HSF4: variants seen among roughly 807,000 people sequenced by gnomAD.
HSF4 encodes the protein heat shock factor protein 4.
HSF4 carries 41 observed loss-of-function variants against 52.0 expected under a neutral mutation model. That is an observed-to-expected ratio of 0.79 (90% CI 0.61 to 1.02). The LOEUF is 1.02. Ranked by LOEUF, HSF4 falls within the 50% of genes least tolerant of loss-of-function variation. The pLI, the probability that HSF4 is intolerant of heterozygous loss-of-function variation, is 0.00. For missense variants in HSF4, 610 were observed against 651.1 expected (o/e 0.94, Z 0.69); for synonymous variants, 285 against 273.0 (o/e 1.04, Z -0.43).
Position 67,164,873 on chromosome 16 carries a change from T to A in HSF4, c.62T>A (p.Leu21His). The A allele has an allele frequency of 6.2e-7, 1 of 1,607,700 alleles. No individual in the cohort carries two copies. The highest frequency in any genetic ancestry group is 8.5e-7 in the Non-Finnish European group (1 of 1,179,076). ...EPGPSPVPAF[L>H]GKLWALVGDP... ...GGCCCCAGCCCCGTGCCTGCCTTCC[T>A]CGGCAAGCTATGGGCGCTGGTGGGG... The change falls in exon 1 of 13, where the codon CTC (leucine) becomes CAC (histidine). Residue 21 changes from leucine to histidine, a missense_variant. Leu to His is a moderately conservative substitution (Grantham distance 99). Transcript: ENST00000521374.
chr16:67,165,551 G>A lies in HSF4; in HGVS notation c.153G>A (p.Gln51=), dbSNP rs762121724. ...GGACCAGTTTCCTCGTAAGCGACCA[G>A]AGCCGTTTCGCCAAGGAAGTGCTGC... ...PSGTSFLVSD[Q]SRFAKEVLPQ... Residue 51 remains glutamine, a synonymous_variant, in exon 2 of 13, where the codon CAG becomes CAA. Transcript: ENST00000521374. This position sits in a 1 kb window ranked among gnomAD's most constrained non-coding sequence, Gnocchi z 6.9. 3 of 1,613,124 alleles carry A rather than the reference G, an allele frequency of 1.9e-6. No homozygotes were observed. The highest frequency in any genetic ancestry group is 1.6e-4 in the Middle Eastern group (1 of 6,084).
chr16:67,166,339 C>G lies in HSF4; in HGVS notation c.505C>G (p.Arg169Gly), dbSNP rs1039577199. Residue 169 changes from arginine to glycine, a missense_variant, in exon 5 of 13, where the codon CGG (arginine) becomes GGG (glycine). Transcript: ENST00000521374. ...ELRQQNEILWREVVTLRQSHG... is the reference protein window; with the variant it reads ...ELRQQNEILWGEVVTLRQSHG... ...CCTCAGGCAGAACGAGATCTTGTGG[C>G]GGGAGGTGGTGACACTTCGGCAGAG... is the stretch of plus-strand genomic sequence containing the variant. 2.5e-6 allele frequency: 4 copies of G among 1,608,640 alleles called. No homozygotes were observed. Among genetic ancestry groups the G allele is most frequent in the Non-Finnish European group, 3.4e-6 (4 of 1,177,490 alleles).
Position 67,169,077 on chromosome 16 carries a change from G to T in HSF4, c.1230G>T (p.Met410Ile), listed in dbSNP as rs1309829039. Residue 410 changes from methionine to isoleucine, a missense_variant, in exon 11 of 13, where the codon ATG (methionine) becomes ATT (isoleucine). Physicochemically the swap from Met to Ile is conservative, Grantham distance 10. Transcript: ENST00000521374. This position sits in a 1 kb window ranked among gnomAD's most constrained non-coding sequence, Gnocchi z 4.3. ...TCCAAGGGCGAGAATGGACCCTGATGGACTTGGACATGGAGCTGTCCTTGG... is the reference window on the plus strand; with the variant it reads ...TCCAAGGGCGAGAATGGACCCTGATTGACTTGGACATGGAGCTGTCCTTGG... ...PSLQGREWTLMDLDMELSLMQ... is the reference protein window; with the variant it reads ...PSLQGREWTLIDLDMELSLMQ... The T allele has an allele frequency of 1.2e-5, 19 of 1,613,440 alleles. No individual in the cohort carries two copies. The highest frequency in any genetic ancestry group is 1.4e-5 in the Non-Finnish European group (17 of 1,180,010).
chr16:67,164,586 C>CCTCCA (rs748286546), upstream of HSF4: 175 of 522,224 alleles, frequency 3.4e-4, no homozygotes, highest in South Asian at 1.7e-3. Context: ...CCACCCCACC[C>CCTCCA]CTCCACTCCA....
upstream of HSF4, chr16:67,163,941 T>TA: frequency 7.0e-7 from 1 of 1,435,384 alleles, no homozygotes; most frequent in Non-Finnish European, 9.4e-7. Flanking sequence ...CCCGGGTCTT[T>TA]ACCGAGTTGG....
At chr16:67,168,302 CG>C (rs968159815) in intron 9 of HSF4, among the ~76,000 whole-genome samples, 86 of 152,140 alleles carry the variant, frequency 5.7e-4, no homozygotes, top group African/African-American at 2.0e-3. Context: ...TGAAACCCCC[CG>C]CCTCTGCTAA....
Position 67,164,945 on chromosome 16 carries a change from G to A in HSF4, c.123+11G>A, listed in dbSNP as rs1216870535. ...ATCCGCTGGAGCCCGGTGAGGGCCG[G>A]GGCCCCTCGATTCCCCCTGTGGTCC... On this transcript the variant is annotated intron_variant, in intron 1 of 12. Coordinates refer to ENST00000521374, the MANE Select transcript of HSF4 (RefSeq NM_001374675.1). The A allele has an allele frequency of 1.9e-6, 3 of 1,596,548 alleles. No individual in the cohort carries two copies. Among genetic ancestry groups the A allele is most frequent in the Admixed American group, 3.4e-5 (2 of 58,592 alleles).
Position 67,165,244 on chromosome 16 carries a change from CA to C in HSF4, c.124-277del. The stretch of plus-strand genomic sequence containing the variant: ...GGGAAGGGCTGGTCTAGCTCAGGGT[CA>C]CATTGCGGGGCTGGGAACCCCGTCA... On this transcript the variant is annotated intron_variant, in intron 1 of 12. Transcript: ENST00000521374. This position sits in a 1 kb window ranked among gnomAD's most constrained non-coding sequence, Gnocchi z 6.9. 1 of 594,596 alleles carries C rather than the reference CA, an allele frequency of 1.7e-6. No homozygotes were observed. Among genetic ancestry groups the C allele is most frequent in the Non-Finnish European group, 3.0e-6 (1 of 334,162 alleles). 36.8% of individuals were successfully genotyped at this position (594,596 alleles called of 1,614,324 possible).
In HSF4 at chr16:67,166,058, G is replaced by C. The variant is rs1042743988; in HGVS notation, c.473G>C (p.Arg158Pro). Residue 158 changes from arginine (R) to proline (P), a missense_variant, in exon 4 of 13, where the codon CGG (arginine) becomes CCG (proline). Arg to Pro is a moderately radical substitution (Grantham distance 103). Transcript: ENST00000521374. ...CAGGAGAGCACCGAGGCGCGGCTGC[G>C]GGAGCTCAGGCAGTGCGGGGGCGGG... ...GVQESTEARL[R>P]ELRQQNEILW... The C allele has an allele frequency of 3.3e-6, 5 of 1,532,994 alleles. No individual in the cohort carries two copies. The highest frequency in any genetic ancestry group is 4.4e-6 in the Non-Finnish European group (5 of 1,146,458). The allele number at this position is 1,532,994 out of a possible 1,614,324, so 95.0% of individuals were successfully genotyped here. A position where few individuals can be genotyped will look rare whatever the true frequency, so the allele number is the denominator to read the frequency against.
intron 9 of HSF4, among the ~76,000 whole-genome samples, chr16:67,168,304 C>G (rs921455152): frequency 4.0e-5 from 6 of 151,834 alleles, no homozygotes; most frequent in African/African-American, 1.5e-4. Flanking sequence ...AAACCCCCCG[C>G]CTCTGCTAAA....
At chr16:67,168,372 G>A (rs897481111) in intron 9 of HSF4, among the ~76,000 whole-genome samples, 3 of 152,134 alleles carry the variant, frequency 2.0e-5, no homozygotes, top group African/African-American at 7.2e-5. Flanking sequence ...TACTCAGGAG[G>A]CTGAGGCAGG....
At chr16:67,166,795 G>C (rs2031337470) in intron 6 of HSF4, among the ~76,000 whole-genome samples, 173 bp downstream of exon 6, 1 of 151,362 alleles carries the variant, frequency 6.6e-6, no homozygotes. Context: ...TCTGCCACCT[G>C]GTATCCCCAC....
chr16:67,167,011 G>T, intron 6 of HSF4, 109 bp from the exon 7 acceptor site: 1 of 1,491,336 alleles, frequency 6.7e-7, no homozygotes. Context: ...ACAGGCCTCA[G>T]CTCTGCTGAC....
In HSF4 at chr16:67,169,214, T is replaced by C; in HGVS notation, c.1255-65T>C. 6.2e-7 allele frequency: 1 copy of C among 1,608,134 alleles called. No homozygotes were observed. On this transcript the variant is annotated intron_variant, in intron 11 of 12. Transcript: ENST00000521374. The surrounding 1 kb of genome is among the most constrained non-coding windows in gnomAD (Gnocchi z 4.3). ...GTCTCTAGAAGAATTGTCACAGTGA[T>C]TTCCCAGCTGTCCCCCTCAGCTGCT...
upstream of HSF4, chr16:67,164,000 C>T: frequency 1.2e-6 from 1 of 863,556 alleles, no homozygotes; most frequent in East Asian, 2.6e-5. Flanking sequence ...AGACCACTCG[C>T]TGCTCTCACC....
At position 67,167,552 on chromosome 16, in the gene HSF4, T is replaced by C. The variant is rs1713769716; in HGVS notation, c.807T>C (p.Ser269=). 6.2e-7 allele frequency: 1 copy of C among 1,613,618 alleles called. No individual in the cohort carries two copies. Among genetic ancestry groups the C allele is most frequent in the African/African-American group, 1.3e-5 (1 of 74,934 alleles). ...TCATCTCTGACATCCCAGAAGACTC[T>C]CCATCCCCTGAGGGGACCAGGCTTT... ...GPIISDIPED[S]PSPEGTRLSP... is the part of the protein sequence containing the mutation. Residue 269 remains serine (S), a synonymous_variant, in exon 8 of 13, where the codon TCT becomes TCC. Transcript: ENST00000521374.
chr16:67,166,769 T>A, intron 6 of HSF4, 147 bp downstream of exon 6: 1 of 788,736 alleles, frequency 1.3e-6, no homozygotes, highest in Non-Finnish European at 2.1e-6. Flanking sequence ...CCATCTAGGA[T>A]CCACTTCCCC....
At position 67,165,868 on chromosome 16, in the gene HSF4, G is replaced by C; in HGVS notation, c.360+22G>C. On this transcript the variant is annotated intron_variant, in intron 3 of 12. Coordinates refer to ENST00000521374, the MANE Select transcript of HSF4 (RefSeq NM_001374675.1). This position sits in a 1 kb window ranked among gnomAD's most constrained non-coding sequence, Gnocchi z 6.9. Reference sequence around the variant, plus strand: ...CAAGGTGGGGGCGGCCTGCGGGAATGAGCAAAGAGGAGGAGGGGTGCTGGG... The same window carrying C: ...CAAGGTGGGGGCGGCCTGCGGGAATCAGCAAAGAGGAGGAGGGGTGCTGGG... 8 of 1,598,642 alleles carry C rather than the reference G, an allele frequency of 5.0e-6. No individual in the cohort carries two copies. The highest frequency in any genetic ancestry group is 6.8e-6 in the Non-Finnish European group (8 of 1,178,650).
In HSF4 at chr16:67,168,828, C is replaced by G. The variant is rs778934435; in HGVS notation, c.1083-3C>G. 2 of 1,612,646 alleles carry G rather than the reference C, an allele frequency of 1.2e-6. No individual in the cohort carries two copies. Among genetic ancestry groups the G allele is most frequent in the Non-Finnish European group, 1.7e-6 (2 of 1,179,296 alleles). Reference sequence around the variant, plus strand: ...CAGGCCAAAAGCAGTTCTGTCTGCACAGGGGGCCTCTGGGCCTGGAAAGCG... The same window carrying G: ...CAGGCCAAAAGCAGTTCTGTCTGCAGAGGGGGCCTCTGGGCCTGGAAAGCG... On this transcript the variant is annotated splice_region_variant and splice_polypyrimidine_tract_variant and intron_variant, in intron 9 of 12. Transcript: ENST00000521374.
Sources: gnomAD v4.1 joint callset for allele counts (sites outside exome capture counted in the v4.1 genomes callset) on GRCh38, gnomAD v4.1.1 for gene constraint, Gnocchi (gnomAD v3.1) non-coding constraint, MANE v1.5 for transcripts, NCBI Gene and HGNC (gene_info 2026-07-23, HGNC 2026-07-21) for gene names.